Variants in FRMD4A observed in about 807,000 individuals in gnomAD.
FRMD4A encodes the protein FERM domain-containing protein 4A.
In FRMD4A, 29 loss-of-function variants were observed where a neutral mutation model predicts 129.1. The ratio of observed to expected loss-of-function variants is 0.22; its 90% CI spans 0.17 to 0.31. The LOEUF (loss-of-function observed/expected upper bound fraction) is 0.31, where lower values mean the gene tolerates loss of function less well. FRMD4A is among the 10% of genes least tolerant of loss of function. The pLI, the probability that FRMD4A is intolerant of heterozygous loss-of-function variation, is 1.00. For synonymous variants in FRMD4A, 634 were observed against 571.6 expected, an observed-to-expected ratio of 1.11 and a Z score of -1.56; for missense variants, 1,272 against 1,375.8, an observed-to-expected ratio of 0.92 and a Z score of 1.19.
At chr10:13,653,949 GTGCTTGGCCAGGACACAGCC>G in intron 23 of FRMD4A, 1 of 200,492 alleles carries the variant, frequency 5.0e-6, no homozygotes, top group Non-Finnish European at 9.5e-6. Flanking sequence ...GAAAGAGCAA[GTGCTTGGCCAGGACACAGCC>G]CTTTTTCTTG....
intron 2 of FRMD4A, among the ~76,000 whole-genome samples, chr10:14,159,104 G>A (rs1462017544): frequency 3.9e-5 from 6 of 152,124 alleles, no homozygotes; most frequent in Non-Finnish European, 8.8e-5. Flanking sequence ...GGATTATGAT[G>A]AGGTCCCAAT....
At chr10:14,320,388 A>G (rs774029479) in intron 2 of FRMD4A, among the ~76,000 whole-genome samples, 1 of 151,782 alleles carries the variant, frequency 6.6e-6, no homozygotes, top group African/African-American at 2.4e-5. Context: ...GCCCTCCCCA[A>G]CCCCACCCTT....
intron 8 of FRMD4A, among the ~76,000 whole-genome samples, chr10:13,757,647 C>T (rs1006553217): frequency 6.6e-6 from 1 of 152,200 alleles, no homozygotes; most frequent in East Asian, 1.9e-4. Flanking sequence ...AAAGAAGAAA[C>T]GGAAGAGCAA....
At chr10:13,738,976 T>C (rs1178394278) in intron 11 of FRMD4A, among the ~76,000 whole-genome samples, 33 of 152,154 alleles carry the variant, frequency 2.2e-4, no homozygotes, top group Admixed American at 2.1e-3. Flanking sequence ...CAATTCTATA[T>C]TCAAATAGGA....
chr10:13,896,131 AC>A (rs2094755399), intron 2 of FRMD4A, among the ~76,000 whole-genome samples: 2 of 152,198 alleles, frequency 1.3e-5, no homozygotes, highest in Non-Finnish European at 2.9e-5. Flanking sequence ...AGGATCTAGA[AC>A]CAAAAATCCC....
intron 2 of FRMD4A, among the ~76,000 whole-genome samples, chr10:14,018,595 C>T (rs1233508595): frequency 6.6e-6 from 1 of 151,916 alleles, no homozygotes; most frequent in East Asian, 1.9e-4. Context: ...TGACACCATC[C>T]AATCTGAGTT....
chr10:14,330,307 G>GAAAAAA (rs35432616), intron 1 of FRMD4A, 124 bp from the exon 2 acceptor site: 269 of 426,440 alleles, frequency 6.3e-4, no homozygotes, highest in African/African-American at 5.5e-3. Flanking sequence ...GCTTAGGGAG[G>GAAAAAA]AAAAAAAAAA....
chr10:14,088,405 C>A (rs1009008422), intron 2 of FRMD4A, among the ~76,000 whole-genome samples: 1 of 151,350 alleles, frequency 6.6e-6, no homozygotes, highest in Non-Finnish European at 1.5e-5. Context: ...CATGATTGTG[C>A]CTCTGCTCCA....
At chr10:14,146,205 C>A (rs1417681436) in intron 2 of FRMD4A, among the ~76,000 whole-genome samples, 2 of 152,168 alleles carry the variant, frequency 1.3e-5, no homozygotes, top group Non-Finnish European at 2.9e-5. Context: ...TAGTAAGTTA[C>A]AACAAACATC....
chr10:14,017,258 G>T (rs926717585), intron 2 of FRMD4A, among the ~76,000 whole-genome samples: 1 of 149,698 alleles, frequency 6.7e-6, no homozygotes, highest in Non-Finnish European at 1.5e-5. Flanking sequence ...TGTGTAGATT[G>T]GCTTTCAAGA....
At chr10:13,724,189 C>G (rs945584492) in intron 12 of FRMD4A, among the ~76,000 whole-genome samples, 5 of 152,186 alleles carry the variant, frequency 3.3e-5, no homozygotes, top group Non-Finnish European at 7.3e-5. Flanking sequence ...GAAATCGAGA[C>G]CATCCTGGCT....
intron 2 of FRMD4A, among the ~76,000 whole-genome samples, chr10:14,027,594 C>T (rs992965532): frequency 2.0e-5 from 3 of 152,184 alleles, no homozygotes; most frequent in African/African-American, 7.2e-5. Context: ...CCAGCCTGAA[C>T]AACAAGAGCT....
intron 2 of FRMD4A, among the ~76,000 whole-genome samples, chr10:14,036,506 C>G (rs758776556): frequency 6.6e-5 from 10 of 152,196 alleles, no homozygotes; most frequent in Non-Finnish European, 1.5e-4. Flanking sequence ...GCTTGTTTCA[C>G]TTCTTAACCC....
At chr10:13,898,973 A>G (rs144885580) in intron 2 of FRMD4A, among the ~76,000 whole-genome samples, 24 of 152,228 alleles carry the variant, frequency 1.6e-4, no homozygotes, top group African/African-American at 5.3e-4. Flanking sequence ...ACTTGAGGCT[A>G]GGAATTTGAG....
chr10:14,180,041 C>A (rs371309269), intron 2 of FRMD4A, among the ~76,000 whole-genome samples: 6,452 of 152,042 alleles, frequency 0.042, 220 homozygotes, highest in Non-Finnish European at 0.066. Context: ...ATCAAAAAAA[C>A]AAAGCAAAAC....
In FRMD4A at chr10:13,657,482, G is replaced by C; in HGVS notation, c.2107C>G (p.Leu703Val). The change falls in exon 22 of 25, where the codon CTG becomes GTG. Residue 703 changes from leucine to valine, a missense_variant. By Grantham distance (32) the Leu-to-Val change is conservative (BLOSUM62 1). Around this residue, in one of 2 missense-constraint regions of FRMD4A, gnomAD observed 972 missense variants for 892.3 expected, o/e 1.09. Coordinates refer to ENST00000357447, the MANE Select transcript of FRMD4A (RefSeq NM_018027.5). ...CTGGAGCTCCGGTGCCTAAAGTGCA[G>C]TGCGAGGCTGTGCAGTCGGGTGGGG... Reference protein sequence around the residue: ...ISPTRLHSLALHFRHRSSSLE... With the variant: ...ISPTRLHSLAVHFRHRSSSLE... The C allele has an allele frequency of 6.2e-7, 1 of 1,608,302 alleles. No individual in the cohort carries two copies. Among genetic ancestry groups the C allele is most frequent in the Non-Finnish European group, 8.5e-7 (1 of 1,179,122 alleles).
intron 2 of FRMD4A, among the ~76,000 whole-genome samples, chr10:13,993,885 T>C (rs2095612715): frequency 1.3e-5 from 2 of 152,006 alleles, no homozygotes; most frequent in South Asian, 4.1e-4. Flanking sequence ...AGCACTAGGA[T>C]TATGCTGCAG....
At chr10:14,125,313 T>A (rs1018600990) in intron 2 of FRMD4A, among the ~76,000 whole-genome samples, 1 of 152,160 alleles carries the variant, frequency 6.6e-6, no homozygotes, top group African/African-American at 2.4e-5. Context: ...ATTTTAGATC[T>A]GCCAAAATAA....
At chr10:14,101,478 G>A (rs188373104) in intron 2 of FRMD4A, among the ~76,000 whole-genome samples, 11 of 152,280 alleles carry the variant, frequency 7.2e-5, no homozygotes, top group Admixed American at 1.3e-4. Context: ...ATTCATTTAT[G>A]CTCTATTCCA....
Sources: gnomAD v4.1 joint callset for allele counts (sites outside exome capture counted in the v4.1 genomes callset) on GRCh38, gnomAD v4.1.1 for gene constraint, gnomAD v4.1.1 regional missense constraint, MANE v1.5 for transcripts, NCBI Gene and HGNC (gene_info 2026-07-23, HGNC 2026-07-21) for gene names.